The following DAB1 variants were observed in gnomAD, a reference collection of about 807,000 sequenced individuals.
DAB1 encodes disabled homolog 1.
Under a neutral mutation model 64.6 loss-of-function variants are expected in DAB1, and 15 were observed. That is an observed-to-expected ratio of 0.23 (90% CI 0.16 to 0.36). The LOEUF (loss-of-function observed/expected upper bound fraction) is 0.36. DAB1 is among the 10% of genes least tolerant of loss of function. The pLI, the probability that DAB1 is intolerant of heterozygous loss-of-function variation, is 1.00. For synonymous variants in DAB1, 235 were observed against 251.9 expected, an observed-to-expected ratio of 0.93 and a Z score of 0.64; for missense variants, 596 against 706.7, an observed-to-expected ratio of 0.84 and a Z score of 1.78.
chr1:58,422,316 C>T (rs1644780164), intron 3 of DAB1, among the ~76,000 whole-genome samples: 1 of 151,808 alleles, frequency 6.6e-6, no homozygotes, highest in African/African-American at 2.4e-5. Flanking sequence ...ATTAGTATTG[C>T]TGTGGACACT....
In DAB1 at chr1:58,347,240, G is replaced by A. The variant is rs547114917; in HGVS notation, n.258-3837C>T. ...CTCTTGTCTCAGCCTCCCAAGTAGCGTGCATTACAGGCATGTGCCACCATG... is the reference window on the plus strand; with the variant it reads ...CTCTTGTCTCAGCCTCCCAAGTAGCATGCATTACAGGCATGTGCCACCATG... On this transcript the variant is annotated intron_variant and non_coding_transcript_variant, in intron 3 of 20. Coordinates refer to the DAB1 transcript ENST00000485760. Among the ~76,000 whole-genome samples the A allele has an allele frequency of 3.3e-5, 5 of 152,130 alleles. No individual in the cohort carries two copies. The South Asian group carries it at 6.2e-4, about 19-fold the overall frequency.
At chr1:57,205,829 A>G (rs1253911489) in intron 2 of DAB1, among the ~76,000 whole-genome samples, 1 of 152,210 alleles carries the variant, frequency 6.6e-6, no homozygotes, top group Admixed American at 6.5e-5. Context: ...ATTAATATGT[A>G]CAATGTCTCC....
intron 4 of DAB1, among the ~76,000 whole-genome samples, chr1:58,299,920 C>G (rs183329340): frequency 6.6e-6 from 1 of 152,138 alleles, no homozygotes. Flanking sequence ...GCAAGCAACT[C>G]TCTCCAGGGG....
chr1:57,027,020 A>G (rs529393534), intron 9 of DAB1, among the ~76,000 whole-genome samples: 1 of 152,220 alleles, frequency 6.6e-6, no homozygotes, highest in Non-Finnish European at 1.5e-5. Context: ...AACTGGGGGA[A>G]CTTAGACATA....
chr1:57,681,246 C>A (rs1010726549), intron 6 of DAB1, among the ~76,000 whole-genome samples: 1 of 152,158 alleles, frequency 6.6e-6, no homozygotes, highest in Non-Finnish European at 1.5e-5. Flanking sequence ...GGTATTCTCC[C>A]CTTTGCATCT....
intron 4 of DAB1, among the ~76,000 whole-genome samples, chr1:58,327,307 GGAAGGAAGAGGA>G (rs1367691311): frequency 1.3e-5 from 2 of 152,176 alleles, no homozygotes; most frequent in East Asian, 3.9e-4. Flanking sequence ...GAGGAAGGAA[GGAAGGAAGAGGA>G]GAAGGAAGAG....
chr1:57,363,132 T>C (rs1454407553), intron 1 of DAB1, among the ~76,000 whole-genome samples: 1 of 152,196 alleles, frequency 6.6e-6, no homozygotes, highest in African/African-American at 2.4e-5. Context: ...TATTTCTTCA[T>C]AGGCAAATGG....
intron 3 of DAB1, among the ~76,000 whole-genome samples, chr1:58,410,134 C>T (rs554671348): frequency 3.9e-5 from 6 of 152,170 alleles, no homozygotes; most frequent in East Asian, 1.9e-4. Context: ...TTCTCAGCCC[C>T]GGCCGCCCCT....
chr1:57,303,370 C>G (rs915545652), intron 1 of DAB1, among the ~76,000 whole-genome samples: 162 of 152,166 alleles, frequency 1.1e-3, no homozygotes, highest in Non-Finnish European at 1.8e-3. Context: ...CGCCCCAGTC[C>G]AGTCCCAGCT....
At chr1:58,039,755 T>C (rs990449054) in intron 5 of DAB1, among the ~76,000 whole-genome samples, 19 of 152,100 alleles carry the variant, frequency 1.2e-4, no homozygotes, top group African/African-American at 4.3e-4. Context: ...TAGAAAAGAT[T>C]TCCTCACCTT....
intron 5 of DAB1, among the ~76,000 whole-genome samples, chr1:58,052,694 C>T (rs1647759980): frequency 6.6e-6 from 1 of 152,160 alleles, no homozygotes; most frequent in Non-Finnish European, 1.5e-5. Context: ...AATGTTCTTC[C>T]ATTTGTTCCT....
chr1:58,091,715 T>C (rs1435385346), intron 5 of DAB1, among the ~76,000 whole-genome samples: 1 of 152,138 alleles, frequency 6.6e-6, no homozygotes, highest in Non-Finnish European at 1.5e-5. Flanking sequence ...CTTCCAAATA[T>C]GTCTTCTTAT....
chr1:57,453,202 T>C (rs1167409246), intron 7 of DAB1, among the ~76,000 whole-genome samples: 1 of 152,200 alleles, frequency 6.6e-6, no homozygotes, highest in Non-Finnish European at 1.5e-5. Context: ...GTGTATTTTC[T>C]TAATAAATGA....
chr1:58,462,685 A>T (rs2100314999), intron 3 of DAB1: 1 of 152,360 alleles, frequency 6.6e-6, no homozygotes, highest in East Asian at 1.9e-4. Flanking sequence ...GAAGACAAAT[A>T]TCCCGCATTA....
rs745487315 is a variant in DAB1, at chr1:57,377,269, TA to T, written c.-137+46660del. On this transcript the variant is annotated intron_variant, in intron 1 of 14. Coordinates refer to ENST00000371236, the MANE Select transcript of DAB1 (RefSeq NM_001365792.1). ...TGGGTGACAGAGTGAGACTCCATCT[TA>T]AAAAAAAAAAAAAAAGAAAAGAAAA... is the stretch of plus-strand genomic sequence containing the variant. Among the ~76,000 whole-genome samples, 266 of 137,164 alleles carry T rather than the reference TA, an allele frequency of 1.9e-3. 1 individual carries two copies. Among genetic ancestry groups the T allele is most frequent in the South Asian group, 2.1e-3 (9 of 4,220 alleles). The allele number at this position is 137,164 out of a possible 152,430, so 90.0% of individuals were successfully genotyped here.
At chr1:58,274,634 A>G (rs1661389285) in intron 4 of DAB1, among the ~76,000 whole-genome samples, 1 of 151,036 alleles carries the variant, frequency 6.6e-6, no homozygotes, top group African/African-American at 2.4e-5. Context: ...TTGATCTCAG[A>G]CTTCTGTGCT....
chr1:57,559,549 C>T (rs1353484129), intron 7 of DAB1, among the ~76,000 whole-genome samples: 1 of 152,104 alleles, frequency 6.6e-6, no homozygotes, highest in Non-Finnish European at 1.5e-5. Flanking sequence ...GATGTTGATT[C>T]CAGGGGACCC....
chr1:57,541,131 CTTTTT>C (rs533723819), intron 7 of DAB1, among the ~76,000 whole-genome samples: 1 of 142,496 alleles, frequency 7.0e-6, no homozygotes. Flanking sequence ...ACTTTTCTTT[CTTTTT>C]TTTTTTTTTT....
intron 1 of DAB1, among the ~76,000 whole-genome samples, chr1:57,398,457 T>C (rs1372264304): frequency 6.6e-6 from 1 of 152,176 alleles, no homozygotes; most frequent in East Asian, 1.9e-4. Context: ...AAGGGGTCTT[T>C]TTAAATGATG....
Sources: allele counts gnomAD v4.1 joint callset (sites outside exome capture counted in the v4.1 genomes callset), GRCh38; gene constraint gnomAD v4.1.1; transcripts MANE v1.5; gene names NCBI Gene and HGNC (gene_info 2026-07-23, HGNC 2026-07-21).